The following IPO13 variants were observed in gnomAD, a reference collection of about 807,000 sequenced individuals.
The protein encoded by IPO13 is importin-13.
A neutral mutation model predicts 115.5 loss-of-function variants in IPO13; 28 were observed. The observed-to-expected ratio is 0.24, with a 90% CI of 0.18 to 0.33. The LOEUF (loss-of-function observed/expected upper bound fraction) is 0.33, where lower values mean the gene tolerates loss of function less well. Among genes scored for constraint, IPO13 ranks in the 10% least tolerant of loss-of-function variants. The probability of loss-of-function intolerance (pLI) is 1.00; values close to 1 mark genes in which losing one functional copy is unlikely to be tolerated. For missense variants in IPO13, 785 were observed against 1,204.6 expected (o/e 0.65, Z 5.16); for synonymous variants, 414 against 478.9 (o/e 0.86, Z 1.77).
Position 43,956,359 on chromosome 1 carries a change from G to A in IPO13, c.861G>A (p.Leu287=). The part of the protein sequence containing the change: ...NTLLKLIPLV[L]GLQEQLRQAV... ...TCCTGAAACTCATCCCGCTGGTGCT[G>A]GGTCTGCAGGAACAACTGCGGCAGG... Residue 287 remains leucine (L), a synonymous_variant, in exon 3 of 20, where the codon CTG becomes CTA. Transcript: ENST00000372343. The surrounding 1 kb of genome is among the most constrained non-coding windows in gnomAD (Gnocchi z 4.7). 6.2e-7 allele frequency: 1 copy of A among 1,614,182 alleles called. No homozygotes were observed.
At chr1:43,955,089 T>A (rs1452136179) in intron 2 of IPO13, among the ~76,000 whole-genome samples, 1 of 152,194 alleles carries the variant, frequency 6.6e-6, no homozygotes, top group Non-Finnish European at 1.5e-5. Context: ...CTTCCTCATA[T>A]CCAGTCAGTC....
At chr1:43,959,214 G>A (rs1571768618) in intron 11 of IPO13, among the ~76,000 whole-genome samples, 2 of 152,270 alleles carry the variant, frequency 1.3e-5, no homozygotes, top group East Asian at 3.9e-4. Context: ...GATTTTATGG[G>A]CCCCTGTTCA....
Position 43,966,898 on chromosome 1 carries a change from G to T in IPO13, c.2524-32G>T, listed in dbSNP as rs1276427397. On this transcript the variant is annotated intron_variant, in intron 17 of 19. Coordinates refer to ENST00000372343, the MANE Select transcript of IPO13 (RefSeq NM_014652.4). The surrounding 1 kb of genome is among the most constrained non-coding windows in gnomAD (Gnocchi z 4.1). ...TGTCCTCAGGGAGAGCTGGGAAGGA[G>T]CTGGGCTGATGGGCCTCTCCATCCT... 6.2e-7 allele frequency: 1 copy of T among 1,611,482 alleles called. No individual in the cohort carries two copies. The highest frequency in any genetic ancestry group is 2.2e-5 in the East Asian group (1 of 44,868).
At position 43,949,928 on chromosome 1, in the gene IPO13, G is replaced by A; in HGVS notation, c.596G>A (p.Gly199Glu). Residue 199 changes from glycine (G) to glutamate (E), a missense_variant, in exon 2 of 20, where the codon GGG becomes GAG. Physicochemically the swap from Gly to Glu is moderately conservative, Grantham distance 98. Around this residue, in one of 3 missense-constraint regions of IPO13, gnomAD observed 325 missense variants for 449.8 expected, o/e 0.72. Coordinates refer to ENST00000372343, the MANE Select transcript of IPO13 (RefSeq NM_014652.4). Reference protein sequence around the residue: ...LVRTSLAVECGAVFPLLEQLL... With the variant: ...LVRTSLAVECEAVFPLLEQLL... ...CGGACCAGCCTGGCGGTGGAATGTGGGGCTGTCTTCCCGCTGCTGGAGCAG... is the reference window on the plus strand; with the variant it reads ...CGGACCAGCCTGGCGGTGGAATGTGAGGCTGTCTTCCCGCTGCTGGAGCAG... 1 of 1,609,710 alleles carries A rather than the reference G, an allele frequency of 6.2e-7. No homozygotes were observed.
Position 43,949,776 on chromosome 1 carries a change from A to C in IPO13, c.444A>C (p.Arg148=). ...CATGTGCTGTGGCAGATATGGTACG[A>C]CTCTTCCAGGCTGAGGACTCACCAG... The part of the protein sequence containing the change: ...AWPCAVADMV[R]LFQAEDSPVD... Residue 148 remains arginine (R), a synonymous_variant, in exon 2 of 20, where the codon CGA becomes CGC. Coordinates refer to ENST00000372343, the MANE Select transcript of IPO13 (RefSeq NM_014652.4). 6.2e-7 allele frequency: 1 copy of C among 1,613,738 alleles called. No homozygotes were observed. Among genetic ancestry groups the C allele is most frequent in the South Asian group, 1.1e-5 (1 of 91,074 alleles).
Position 43,958,638 on chromosome 1 carries a change from T to C in IPO13, c.1884+43T>C. The C allele has an allele frequency of 6.2e-7, 1 of 1,613,154 alleles. No homozygotes were observed. The highest frequency in any genetic ancestry group is 8.5e-7 in the Non-Finnish European group (1 of 1,179,416). ...GCCAGGGAGCGGTACTGAGATGCTG[T>C]GGCTGATGAGGGGTGAGGTTGGAGC... On this transcript the variant is annotated intron_variant, in intron 10 of 19. Transcript: ENST00000372343. This position sits in a 1 kb window ranked among gnomAD's most constrained non-coding sequence, Gnocchi z 6.3.
Position 43,968,021 on chromosome 1 carries a change from C to T in IPO13, c.*339C>T. The T allele has an allele frequency of 2.5e-6, 1 of 396,848 alleles. No individual in the cohort carries two copies. The highest frequency in any genetic ancestry group is 4.7e-6 in the Non-Finnish European group (1 of 214,220). 24.6% of individuals were successfully genotyped at this position (396,848 alleles called of 1,614,324 possible). On this transcript the variant is annotated 3_prime_UTR_variant, in exon 20 of 20. Transcript: ENST00000372343. The stretch of plus-strand genomic sequence containing the variant: ...TCCCCATTAAATTAATCCCAACATG[C>T]ATGTATGCATACATTTATTTAATCA...
rs1470888568 is a variant in IPO13, at chr1:43,967,446, T to A, written c.2745T>A (p.Ser915=). The change falls in exon 19 of 20, where the codon TCT becomes TCA. Residue 915 remains serine (S), a synonymous_variant. Transcript: ENST00000372343. This position sits in a 1 kb window ranked among gnomAD's most constrained non-coding sequence, Gnocchi z 6.1. The part of the protein sequence containing the change: ...KEALQPPGFP[S]ARLSPEQKDT... ...CCCTGCAGCCACCTGGTTTCCCCTCTGCCCGCCTCAGCCCTGAACAGAAGG... is the reference window on the plus strand; with the variant it reads ...CCCTGCAGCCACCTGGTTTCCCCTCAGCCCGCCTCAGCCCTGAACAGAAGG... The A allele has an allele frequency of 1.3e-5, 21 of 1,614,134 alleles. No homozygotes were observed. The highest frequency in any genetic ancestry group is 1.8e-5 in the Non-Finnish European group (21 of 1,180,012).
Position 43,966,246 on chromosome 1 carries a change from C to T in IPO13, c.2398-329C>T. On this transcript the variant is annotated intron_variant, in intron 15 of 19. Coordinates refer to ENST00000372343, the MANE Select transcript of IPO13 (RefSeq NM_014652.4). This position sits in a 1 kb window ranked among gnomAD's most constrained non-coding sequence, Gnocchi z 4.1. ...ATCAACATGAAGTCACTGCTGGCAA[C>T]CTAGAGCCTGCGAGACATCTGGCCC... is the stretch of plus-strand genomic sequence containing the variant. 1 of 449,514 alleles carries T rather than the reference C, an allele frequency of 2.2e-6. No homozygotes were observed. Among genetic ancestry groups the T allele is most frequent in the Non-Finnish European group, 4.1e-6 (1 of 242,048 alleles). 27.8% of individuals were successfully genotyped at this position (449,514 alleles called of 1,614,324 possible).
Position 43,967,964 on chromosome 1 carries a change from G to T in IPO13, c.*282G>T, listed in dbSNP as rs2085338223. ...GAATACTGTCATTGTCCTTGGGGCG[G>T]GGTGGTTGCAGTAGTGTCATCAACC... On this transcript the variant is annotated 3_prime_UTR_variant, in exon 20 of 20. Transcript: ENST00000372343. This position sits in a 1 kb window ranked among gnomAD's most constrained non-coding sequence, Gnocchi z 6.1. 1 of 531,126 alleles carries T rather than the reference G, an allele frequency of 1.9e-6. No homozygotes were observed. Among genetic ancestry groups the T allele is most frequent in the Non-Finnish European group, 3.4e-6 (1 of 294,900 alleles). 32.9% of individuals were successfully genotyped at this position (531,126 alleles called of 1,614,324 possible). A position where few individuals can be genotyped will look rare whatever the true frequency, so the allele number is the denominator to read the frequency against.
Position 43,959,017 on chromosome 1 carries a change from C to T in IPO13, c.2028+128C>T, listed in dbSNP as rs139712342. 388 of 918,362 alleles carry T rather than the reference C, an allele frequency of 4.2e-4. 3 individuals are homozygous for T. In the African/African-American group the frequency reaches 5.3e-3, roughly 12 times the overall value. 56.9% of individuals were successfully genotyped at this position (918,362 alleles called of 1,614,324 possible). On this transcript the variant is annotated intron_variant, in intron 11 of 19. Coordinates refer to ENST00000372343, the MANE Select transcript of IPO13 (RefSeq NM_014652.4). Reference sequence around the variant, plus strand: ...GTCATTGTTCTCCCTGCCCCGTGGGCGTGATATATTTGGTCCTCTGACTCC... The same window carrying T: ...GTCATTGTTCTCCCTGCCCCGTGGGTGTGATATATTTGGTCCTCTGACTCC...
At chr1:43,957,136 G>T in intron 5 of IPO13, 59 bp from the exon 6 acceptor site, 2 of 1,592,784 alleles carry the variant, frequency 1.3e-6, no homozygotes, top group Non-Finnish European at 1.7e-6. Context: ...TCCTGGGCTT[G>T]GGGGCAGGAT....
At chr1:43,947,957 A>G (rs758280541) in intron 1 of IPO13, among the ~76,000 whole-genome samples, 5 of 152,208 alleles carry the variant, frequency 3.3e-5, no homozygotes, top group Non-Finnish European at 5.9e-5. Flanking sequence ...CAGACTGGCT[A>G]TGTTCCAGCT....
Position 43,966,831 on chromosome 1 carries a change from C to T in IPO13, c.2523+49C>T, listed in dbSNP as rs866939366. On this transcript the variant is annotated intron_variant, in intron 17 of 19. Transcript: ENST00000372343. This position sits in a 1 kb window ranked among gnomAD's most constrained non-coding sequence, Gnocchi z 4.1. ...CCCACTGCCACCCCAGTGCCCTCCC[C>T]TGCCCAGGACTTCAGACAGTAGGGC... is the stretch of plus-strand genomic sequence containing the variant. The T allele has an allele frequency of 2.5e-6, 4 of 1,609,824 alleles. No homozygotes were observed. Among genetic ancestry groups the T allele is most frequent in the Non-Finnish European group, 3.4e-6 (4 of 1,176,386 alleles).
Position 43,967,535 on chromosome 1 carries a change from G to T in IPO13, c.2795+39G>T, listed in dbSNP as rs766606711. ...GGGTGGGCCTGGGGTCAGGCAGAGA[G>T]GGGGCAGTGGTGGTGGCTGGTGCTA... On this transcript the variant is annotated intron_variant, in intron 19 of 19. Transcript: ENST00000372343. The surrounding 1 kb of genome is among the most constrained non-coding windows in gnomAD (Gnocchi z 6.1). The T allele has an allele frequency of 2.7e-5, 44 of 1,614,048 alleles. No individual in the cohort carries two copies. The highest frequency in any genetic ancestry group is 3.5e-5 in the Non-Finnish European group (41 of 1,179,990).
chr1:43,957,916 A>G, intron 7 of IPO13, 61 bp from the exon 8 acceptor site: 1 of 1,531,862 alleles, frequency 6.5e-7, no homozygotes, highest in Non-Finnish European at 9.0e-7. Flanking sequence ...TGCCTCAGAG[A>G]CATGGTACAA....
Position 43,967,488 on chromosome 1 carries a change from G to C in IPO13, c.2787G>C (p.Gln929His). Reference sequence around the variant, plus strand: ...AACAGAAGGATACCTTCAGCCAGCAGATCCTTCGGTGAGCAGAGCTGGGGT... The same window carrying C: ...AACAGAAGGATACCTTCAGCCAGCACATCCTTCGGTGAGCAGAGCTGGGGT... ...SPEQKDTFSQ[Q>H]ILRERVNKRR... The change falls in exon 19 of 20, where the codon CAG becomes CAC. Residue 929 changes from glutamine to histidine, a missense_variant. Coordinates refer to ENST00000372343, the MANE Select transcript of IPO13 (RefSeq NM_014652.4). This position sits in a 1 kb window ranked among gnomAD's most constrained non-coding sequence, Gnocchi z 6.1. The C allele has an allele frequency of 6.2e-7, 1 of 1,614,118 alleles. No homozygotes were observed.
At position 43,949,844 on chromosome 1, in the gene IPO13, C is replaced by T. The variant is rs376501674; in HGVS notation, c.512C>T (p.Thr171Ile). ...GRCLALLELL[T>I]VLPEEFQTSR... ...TGCCTAGCCCTGTTAGAGCTGCTGA[C>T]AGTGCTGCCTGAGGAGTTCCAGACC... Residue 171 changes from threonine (T) to isoleucine (I), a missense_variant, in exon 2 of 20, where the codon ACA becomes ATA. Coordinates refer to ENST00000372343, the MANE Select transcript of IPO13 (RefSeq NM_014652.4). 1.3e-5 allele frequency: 21 copies of T among 1,613,428 alleles called. No homozygotes were observed. Among genetic ancestry groups the T allele is most frequent in the Non-Finnish European group, 1.5e-5 (18 of 1,179,944 alleles).
At chr1:43,957,354 T>A in intron 6 of IPO13, 39 bp downstream of exon 6, 1 of 1,613,428 alleles carries the variant, frequency 6.2e-7, no homozygotes, top group East Asian at 2.2e-5. Flanking sequence ...TTCCCAGACC[T>A]GTCACACCCT....
Sources: gnomAD v4.1 joint callset for allele counts (sites outside exome capture counted in the v4.1 genomes callset) on GRCh38, gnomAD v4.1.1 for gene constraint, gnomAD v4.1.1 regional missense constraint, Gnocchi (gnomAD v3.1) non-coding constraint, MANE v1.5 for transcripts, NCBI Gene and HGNC (gene_info 2026-07-23, HGNC 2026-07-21) for gene names.